Variants in ADGRB3 observed in about 807,000 individuals in gnomAD.
ADGRB3 encodes adhesion G protein-coupled receptor B3.
Under a neutral mutation model 193.4 loss-of-function variants are expected in ADGRB3, and 37 were observed. The ratio of observed to expected loss-of-function variants is 0.19; its 90% CI spans 0.15 to 0.25. The LOEUF (loss-of-function observed/expected upper bound fraction) is 0.25. Ranked by LOEUF, ADGRB3 falls within the 10% of genes least tolerant of loss-of-function variation. ADGRB3 has a pLI of 1.00. For missense variants in ADGRB3, 1,637 were observed against 1,852.9 expected, an observed-to-expected ratio of 0.88 and a Z score of 2.14; for synonymous variants, 690 against 644.2, an observed-to-expected ratio of 1.07 and a Z score of -1.08.
chr6:69,122,191 G>A (rs1419057387), intron 17 of ADGRB3, among the ~76,000 whole-genome samples: 8 of 151,918 alleles, frequency 5.3e-5, no homozygotes, highest in Admixed American at 1.3e-4. Flanking sequence ...GACTCCGTCT[G>A]CAATCCCAGC....
chr6:68,993,377 A>AT (rs1769294043), intron 10 of ADGRB3, among the ~76,000 whole-genome samples: 1 of 152,140 alleles, frequency 6.6e-6, no homozygotes, highest in Non-Finnish European at 1.5e-5. Flanking sequence ...AAAAATGGCT[A>AT]TTTTTGAAGT....
chr6:69,170,642 G>A (rs759156894), intron 17 of ADGRB3, among the ~76,000 whole-genome samples: 18 of 152,162 alleles, frequency 1.2e-4, no homozygotes, highest in Non-Finnish European at 1.8e-4. Context: ...AATTCACTCT[G>A]ATATATAGAA....
Position 69,138,054 on chromosome 6 carries a change from T to C in ADGRB3, c.2480+62016T>C, listed in dbSNP as rs116394399. ...ATGGAAGAGCAAATGTGGGAGATTTTAATTATTCAGACCTAGAAACGGTAC... is the reference window on the plus strand; with the variant it reads ...ATGGAAGAGCAAATGTGGGAGATTTCAATTATTCAGACCTAGAAACGGTAC... On this transcript the variant is annotated intron_variant, in intron 17 of 31. Coordinates refer to ENST00000370598, the MANE Select transcript of ADGRB3 (RefSeq NM_001704.3). 2.8e-3 allele frequency among the ~76,000 whole-genome samples: 429 copies of C among 152,320 alleles called. 2 individuals carry two copies. The highest frequency in any genetic ancestry group is 9.8e-3 in the African/African-American group (407 of 41,566).
At chr6:68,777,065 A>G (rs1766760803) in intron 3 of ADGRB3, among the ~76,000 whole-genome samples, 1 of 152,134 alleles carries the variant, frequency 6.6e-6, no homozygotes, top group South Asian at 2.1e-4. Flanking sequence ...TTAATATACA[A>G]TGTGCAAGAT....
At chr6:68,888,586 T>C (rs1297851257) in intron 3 of ADGRB3, among the ~76,000 whole-genome samples, 1 of 142,100 alleles carries the variant, frequency 7.0e-6, no homozygotes, top group Non-Finnish European at 1.6e-5. Flanking sequence ...TAAAAAAAAC[T>C]CCTGCCCTCC....
chr6:69,162,373 T>C (rs528894030), intron 17 of ADGRB3, among the ~76,000 whole-genome samples: 42 of 152,236 alleles, frequency 2.8e-4, no homozygotes, highest in African/African-American at 9.9e-4. Context: ...GAAAAAGAAC[T>C]GTGTGGAGCT....
chr6:68,761,227 C>A (rs1025644253), intron 3 of ADGRB3, among the ~76,000 whole-genome samples: 1 of 152,154 alleles, frequency 6.6e-6, no homozygotes, highest in African/African-American at 2.4e-5. Context: ...TGAAAGGCAA[C>A]AAGGAGAGAG....
At chr6:68,988,266 G>A (rs1332885228) in intron 10 of ADGRB3, among the ~76,000 whole-genome samples, 3 of 152,136 alleles carry the variant, frequency 2.0e-5, no homozygotes, top group African/African-American at 7.2e-5. Flanking sequence ...TTACTTCTAT[G>A]AGCCTGAAAA....
At chr6:69,122,833 C>T (rs1195135750) in intron 17 of ADGRB3, among the ~76,000 whole-genome samples, 3 of 151,988 alleles carry the variant, frequency 2.0e-5, no homozygotes, top group Non-Finnish European at 4.4e-5. Context: ...TTCAAACATA[C>T]ATACATACAT....
rs1371872262 is a variant in ADGRB3, at chr6:69,324,932, G to A, written c.2875G>A (p.Val959Ile). 1.2e-6 allele frequency: 2 copies of A among 1,613,880 alleles called. No homozygotes were observed. The highest frequency in any genetic ancestry group is 1.7e-5 in the Admixed American group (1 of 59,994). Residue 959 changes from valine (V) to isoleucine (I), a missense_variant, in exon 21 of 32, where the codon GTT (valine) becomes ATT (isoleucine). Val to Ile is a conservative substitution (Grantham distance 29). Around this residue, in one of 7 missense-constraint regions of ADGRB3, gnomAD observed 87 missense variants for 161.0 expected, o/e 0.54. Transcript: ENST00000370598. ...TTTCTTCCTGGCTTCATTCTGTTGG[G>A]TTTTGACTGAGGCGTGGCAATCATA... ...HFFFLASFCWVLTEAWQSYMA... is the reference protein window; with the variant it reads ...HFFFLASFCWILTEAWQSYMA...
intron 3 of ADGRB3, among the ~76,000 whole-genome samples, chr6:68,862,119 A>AGAGGAG (rs772955282): frequency 1.2e-5 from 1 of 85,958 alleles, no homozygotes; most frequent in Non-Finnish European, 2.3e-5. Context: ...CTATGTTTAA[A>AGAGGAG]GAGGAGGAGG....
intron 4 of ADGRB3, among the ~76,000 whole-genome samples, chr6:68,930,939 T>A (rs1435745783): frequency 6.6e-6 from 1 of 152,096 alleles, no homozygotes; most frequent in Non-Finnish European, 1.5e-5. Context: ...AATGTATCAT[T>A]AAACTTTTAA....
intron 3 of ADGRB3, among the ~76,000 whole-genome samples, chr6:68,695,364 GT>G (rs1482203444): frequency 6.6e-6 from 1 of 151,968 alleles, no homozygotes; most frequent in Non-Finnish European, 1.5e-5. Flanking sequence ...TAAAAAAATT[GT>G]CCCTCCTTCT....
At chr6:68,845,968 A>G (rs554305432) in intron 3 of ADGRB3, among the ~76,000 whole-genome samples, 1 of 152,192 alleles carries the variant, frequency 6.6e-6, no homozygotes, top group Non-Finnish European at 1.5e-5. Flanking sequence ...AGAACTTCCT[A>G]GAGACTTGTT....
chr6:68,849,452 T>C (rs1768353001), intron 3 of ADGRB3, among the ~76,000 whole-genome samples: 1 of 151,994 alleles, frequency 6.6e-6, no homozygotes, highest in African/African-American at 2.4e-5. Context: ...ACTGAAATTA[T>C]CTAAATCAAA....
chr6:69,162,175 A>G (rs1263074931), intron 17 of ADGRB3, among the ~76,000 whole-genome samples: 1 of 152,090 alleles, frequency 6.6e-6, no homozygotes, highest in Admixed American at 6.6e-5. Flanking sequence ...TCTAACATGG[A>G]CTGGTACTGA....
intron 3 of ADGRB3, among the ~76,000 whole-genome samples, chr6:68,767,980 A>G (rs986212990): frequency 6.6e-6 from 1 of 152,178 alleles, no homozygotes; most frequent in African/African-American, 2.4e-5. Context: ...TAAAACTTAC[A>G]AGGGATGTGA....
intron 3 of ADGRB3, among the ~76,000 whole-genome samples, chr6:68,853,164 C>T (rs1278879464): frequency 2.0e-5 from 3 of 151,962 alleles, no homozygotes; most frequent in Admixed American, 1.3e-4. Context: ...ATGAGTAAAG[C>T]TTTAATCTTT....
At chr6:68,668,534 C>T (rs1271114510) in intron 3 of ADGRB3, among the ~76,000 whole-genome samples, 2 of 151,800 alleles carry the variant, frequency 1.3e-5, no homozygotes, top group Admixed American at 1.3e-4. Flanking sequence ...TATGTCAAAA[C>T]TCATATTCAT....
Sources: gnomAD v4.1 joint callset for allele counts (sites outside exome capture counted in the v4.1 genomes callset) on GRCh38, gnomAD v4.1.1 for gene constraint, gnomAD v4.1.1 regional missense constraint, MANE v1.5 for transcripts, NCBI Gene and HGNC (gene_info 2026-07-23, HGNC 2026-07-21) for gene names.